The following SLC22A23 variants were observed in gnomAD, a reference collection of about 807,000 sequenced individuals.
SLC22A23 encodes ion transporter protein.
In SLC22A23, 26 loss-of-function variants were observed where a neutral mutation model predicts 61.0. The observed-to-expected ratio is 0.43, with a 90% confidence interval of 0.31 to 0.59. The LOEUF (loss-of-function observed/expected upper bound fraction) is 0.59, where lower values mean the gene tolerates loss of function less well. Ranked by LOEUF, SLC22A23 falls within the 20% of genes least tolerant of loss-of-function variation. SLC22A23 has a pLI of 0.11. For synonymous variants in SLC22A23, 430 were observed against 413.9 expected (o/e 1.04, Z -0.47); for missense variants, 796 against 934.7 (o/e 0.85, Z 1.94).
At chr6:3,396,065 C>T (rs930022797) in intron 3 of SLC22A23, among the ~76,000 whole-genome samples, 1 of 152,196 alleles carries the variant, frequency 6.6e-6, no homozygotes, top group African/African-American at 2.4e-5. Context: ...GCAGTATAAA[C>T]AGGGCACTAG....
intron 9 of SLC22A23, among the ~76,000 whole-genome samples, chr6:3,277,465 A>G (rs920425039): frequency 4.6e-5 from 7 of 152,030 alleles, no homozygotes; most frequent in African/African-American, 1.7e-4. Flanking sequence ...CATCGCCTCT[A>G]GAGCCACTAT....
In SLC22A23 at chr6:3,400,650, G is replaced by C. The variant is rs949145248; in HGVS notation, c.913+9538C>G. Among the ~76,000 whole-genome samples the C allele has an allele frequency of 2.0e-5, 3 of 152,224 alleles. No individual in the cohort carries two copies. In the South Asian group the frequency reaches 6.2e-4, roughly 31 times the overall value. On this transcript the variant is annotated intron_variant, in intron 3 of 9. Transcript: ENST00000406686. Reference sequence around the variant, plus strand: ...TTGTTAAAGGTCACAACTGGCAAGTGGGGGGCTTGGCTTCCAATCCAAGCC... The same window carrying C: ...TTGTTAAAGGTCACAACTGGCAAGTCGGGGGCTTGGCTTCCAATCCAAGCC...
At chr6:3,337,198 G>A (rs1763906413) in intron 3 of SLC22A23, among the ~76,000 whole-genome samples, 1 of 152,254 alleles carries the variant, frequency 6.6e-6, no homozygotes, top group African/African-American at 2.4e-5. Flanking sequence ...CAAATGCAGA[G>A]TTCCTCAGGG....
rs368195068 is a variant in SLC22A23 at position 3,447,895 on chromosome 6, C to CTTTT, written c.654+8010_654+8011insAAAA. Among the ~76,000 whole-genome samples, 115 of 78,096 alleles carry CTTTT rather than the reference C, an allele frequency of 1.5e-3. 4 individuals carry two copies. Among genetic ancestry groups the CTTTT allele is most frequent in the African/African-American group, 5.5e-3 (85 of 15,372 alleles). 51.2% of individuals were successfully genotyped at this position (78,096 alleles called of 152,430 possible). On this transcript the variant is annotated intron_variant, in intron 1 of 9. Coordinates refer to ENST00000406686, the MANE Select transcript of SLC22A23 (RefSeq NM_015482.2). ...GAGCTACCATGCCTGGCCTCTCTCT[C>CTTTT]TCTTTTTTTTTTTTTTTTTTTGAGA...
chr6:3,402,466 C>CAA (rs1561954726), intron 3 of SLC22A23, among the ~76,000 whole-genome samples: 1 of 30,398 alleles, frequency 3.3e-5, no homozygotes, highest in African/African-American at 2.1e-4. Flanking sequence ...TAGCTAAGCC[C>CAA]TAATCACCCA....
At position 3,414,204 on chromosome 6, in the gene SLC22A23, A is replaced by G. The variant is rs565896959; in HGVS notation, c.758+1548T>C. 2.0e-3 allele frequency among the ~76,000 whole-genome samples: 304 copies of G among 152,264 alleles called. No individual in the cohort carries two copies. Among genetic ancestry groups the G allele is most frequent in the Admixed American group, 5.3e-3 (81 of 15,296 alleles). ...ACACTACAACCCCAGTTGAGTTTGC[A>G]TTTTTTTAGAAAGACAGTGACATGG... is the stretch of plus-strand genomic sequence containing the variant. On this transcript the variant is annotated intron_variant, in intron 2 of 9. Transcript: ENST00000406686. This position sits in a 1 kb window ranked among gnomAD's most constrained non-coding sequence, Gnocchi z 5.1.
At chr6:3,285,012 T>C in intron 8 of SLC22A23, 67 bp downstream of exon 8, 1 of 1,587,598 alleles carries the variant, frequency 6.3e-7, no homozygotes, top group Non-Finnish European at 8.6e-7. Flanking sequence ...TCCGTGAGTC[T>C]TCGAGAAAAC....
intron 9 of SLC22A23, among the ~76,000 whole-genome samples, chr6:3,280,622 A>T (rs1759375964): frequency 6.7e-6 from 1 of 148,684 alleles, no homozygotes; most frequent in Non-Finnish European, 1.5e-5. Flanking sequence ...CAGCCTCCTG[A>T]GTAGCTGGGA....
intron 3 of SLC22A23, among the ~76,000 whole-genome samples, chr6:3,341,902 T>C (rs1764178068): frequency 6.6e-6 from 1 of 152,168 alleles, no homozygotes; most frequent in African/African-American, 2.4e-5. Context: ...AAAAAAATCA[T>C]ACAACTTAAG....
At chr6:3,352,439 A>G (rs1002954078) in intron 3 of SLC22A23, among the ~76,000 whole-genome samples, 1 of 152,110 alleles carries the variant, frequency 6.6e-6, no homozygotes, top group Non-Finnish European at 1.5e-5. Flanking sequence ...ACAGACACAC[A>G]CAGACACATA....
At chr6:3,432,466 A>T (rs1031566481) in intron 1 of SLC22A23, 1 of 892,232 alleles carries the variant, frequency 1.1e-6, no homozygotes, top group African/African-American at 1.8e-5. Flanking sequence ...AACCAGGCAG[A>T]GGGAGGACTT....
In SLC22A23 at chr6:3,287,107, G is replaced by A. The variant is rs777571864; in HGVS notation, c.1314-16C>T. 69 of 1,611,596 alleles carry A rather than the reference G, an allele frequency of 4.3e-5. No homozygotes were observed. Among genetic ancestry groups the A allele is most frequent in the Middle Eastern group, 1.6e-4 (1 of 6,080 alleles). ...CCCCGTCAGCCTGTGGAGACATACC[G>A]AGCGGCAGTGGGTGGGCTGCCCCCA... On this transcript the variant is annotated splice_polypyrimidine_tract_variant and intron_variant, in intron 6 of 9. Transcript: ENST00000406686.
At chr6:3,368,057 AG>A (rs1398134840) in intron 3 of SLC22A23, among the ~76,000 whole-genome samples, 1 of 152,338 alleles carries the variant, frequency 6.6e-6, no homozygotes, top group East Asian at 1.9e-4. Flanking sequence ...CAGAGAGCAA[AG>A]GAGGGTGGCC....
chr6:3,412,674 A>G (rs1429294339), intron 2 of SLC22A23, among the ~76,000 whole-genome samples: 1 of 152,126 alleles, frequency 6.6e-6, no homozygotes, highest in Non-Finnish European at 1.5e-5. Flanking sequence ...TTTACCTTTC[A>G]TGGCAAAAGG....
chr6:3,354,525 C>A (rs1581737800), intron 3 of SLC22A23, among the ~76,000 whole-genome samples: 1 of 152,192 alleles, frequency 6.6e-6, no homozygotes, highest in East Asian at 1.9e-4. Flanking sequence ...GCCTCAAAGG[C>A]AAGGCAATGT....
At chr6:3,285,723 T>C (rs1347673407) in intron 7 of SLC22A23, among the ~76,000 whole-genome samples, 1 of 152,214 alleles carries the variant, frequency 6.6e-6, no homozygotes, top group Non-Finnish European at 1.5e-5. Flanking sequence ...ATAGATTGCA[T>C]AAGAACTGTC....
At chr6:3,296,091 G>A (rs887960361) in intron 5 of SLC22A23, among the ~76,000 whole-genome samples, 1 of 152,198 alleles carries the variant, frequency 6.6e-6, no homozygotes, top group Non-Finnish European at 1.5e-5. Context: ...GAAGCAGAGT[G>A]TGATGACTTA....
chr6:3,376,376 C>T (rs992247454), intron 3 of SLC22A23, among the ~76,000 whole-genome samples: 4 of 152,182 alleles, frequency 2.6e-5, no homozygotes, highest in Non-Finnish European at 5.9e-5. Flanking sequence ...CCTTTCTGAG[C>T]TGGGTTATAG....
At position 3,289,785 on chromosome 6, in the gene SLC22A23, A is replaced by G. The variant is rs748978798; in HGVS notation, c.1292T>C (p.Ile431Thr). The G allele has an allele frequency of 3.7e-6, 6 of 1,613,852 alleles. No individual in the cohort carries two copies. The highest frequency in any genetic ancestry group is 4.2e-6 in the Non-Finnish European group (5 of 1,179,968). ...VVGTRNLWKN[I>T]VVLCVNSLTG... ...TCACGAGTTCACACACAGGACCACA[A>G]TGTTCTTCCACAGGTTCCGTGTCCC... Residue 431 changes from isoleucine to threonine, a missense_variant, in exon 6 of 10, where the codon ATT (isoleucine) becomes ACT (threonine). Physicochemically the swap from Ile to Thr is moderately conservative, Grantham distance 89 (BLOSUM62 -1). Transcript: ENST00000406686.
Sources: gnomAD v4.1 joint callset for allele counts (sites outside exome capture counted in the v4.1 genomes callset) on GRCh38, gnomAD v4.1.1 for gene constraint, Gnocchi (gnomAD v3.1) non-coding constraint, MANE v1.5 for transcripts, NCBI Gene and HGNC (gene_info 2026-07-23, HGNC 2026-07-21) for gene names.